IQUB: variants seen among roughly 807,000 people sequenced by gnomAD.
IQUB encodes the protein IQ motif and ubiquitin domain containing, also known as IQ motif and ubiquitin-like domain-containing protein.
In IQUB, 86 loss-of-function variants were observed where a neutral mutation model predicts 86.4. The ratio of observed to expected loss-of-function variants is 1.00; its 90% CI spans 0.84 to 1.19. The LOEUF (loss-of-function observed/expected upper bound fraction) is 1.19, where lower values mean the gene tolerates loss of function less well. Ranked by LOEUF, IQUB falls within the 50% of genes most tolerant of loss-of-function variation. IQUB has a pLI of 0.00. For missense variants in IQUB, 946 were observed against 916.9 expected, an observed-to-expected ratio of 1.03 and a Z score of -0.41; for synonymous variants, 289 against 304.5, an observed-to-expected ratio of 0.95 and a Z score of 0.53.
intron 8 of IQUB, among the ~76,000 whole-genome samples, chr7:123,479,344 G>T (rs973228937): frequency 6.6e-5 from 10 of 152,034 alleles, no homozygotes; most frequent in African/African-American, 2.4e-4. Flanking sequence ...GAAATTTGAA[G>T]TCAGTTAATG....
At chr7:123,502,541 A>T in intron 6 of IQUB, 56 bp downstream of exon 6, 1 of 1,489,308 alleles carries the variant, frequency 6.7e-7, no homozygotes, top group Non-Finnish European at 9.3e-7. Flanking sequence ...CACACTCGGA[A>T]CAACTGGCTT....
At chr7:123,495,525 T>A (rs140337154) in intron 7 of IQUB, among the ~76,000 whole-genome samples, 4 of 152,170 alleles carry the variant, frequency 2.6e-5, no homozygotes, top group Admixed American at 6.6e-5. Context: ...TTGCTTAGTG[T>A]TATAAATAAT....
In IQUB at chr7:123,511,937, G is replaced by T; in HGVS notation, c.397+7C>A. The T allele has an allele frequency of 6.3e-7, 1 of 1,584,210 alleles. No individual in the cohort carries two copies. Among genetic ancestry groups the T allele is most frequent in the Non-Finnish European group, 8.6e-7 (1 of 1,158,560 alleles). On this transcript the variant is annotated splice_region_variant and intron_variant, in intron 2 of 12. Transcript: ENST00000324698. ...AAATGAAATAGCCTATCTTCCTTAGGTAGTACCTGTTGCTAGAGAATCTTC... is the reference window on the plus strand; with the variant it reads ...AAATGAAATAGCCTATCTTCCTTAGTTAGTACCTGTTGCTAGAGAATCTTC...
intron 8 of IQUB, among the ~76,000 whole-genome samples, chr7:123,473,669 G>A (rs527617119): frequency 1.9e-4 from 29 of 151,968 alleles, no homozygotes; most frequent in Admixed American, 1.2e-3. Flanking sequence ...TCCACCTCCC[G>A]GGTTCAAGTG....
At chr7:123,462,205 C>T (rs773361406) in intron 10 of IQUB, among the ~76,000 whole-genome samples, 1 of 151,688 alleles carries the variant, frequency 6.6e-6, no homozygotes, top group Non-Finnish European at 1.5e-5. Context: ...CAAACTGAAT[C>T]AAGACATATA....
At chr7:123,470,379 T>C (rs1794465694) in intron 8 of IQUB, among the ~76,000 whole-genome samples, 1 of 152,178 alleles carries the variant, frequency 6.6e-6, no homozygotes. Flanking sequence ...ATGTTGGATG[T>C]TTTTGTAGGT....
chr7:123,508,418 C>G (rs1049130870), intron 3 of IQUB, among the ~76,000 whole-genome samples: 3 of 152,170 alleles, frequency 2.0e-5, no homozygotes, highest in Non-Finnish European at 2.9e-5. Flanking sequence ...ATACAGGGTC[C>G]CCAGAGCCCC....
chr7:123,490,246 G>A (rs1795397053), intron 7 of IQUB, among the ~76,000 whole-genome samples: 1 of 151,962 alleles, frequency 6.6e-6, no homozygotes, highest in South Asian at 2.1e-4. Context: ...AAATGGAAAG[G>A]ACATATCAAT....
Position 123,461,617 on chromosome 7 carries a change from G to T in IQUB, c.1759-12C>A. 1.3e-6 allele frequency: 2 copies of T among 1,539,312 alleles called. No individual in the cohort carries two copies. The highest frequency in any genetic ancestry group is 1.7e-6 in the Non-Finnish European group (2 of 1,144,848). ...GGGTCTTGAGGGACCTAAATAAATA[G>T]TAAAAAAAGAAAAAAAAGGTCTAAA... On this transcript the variant is annotated splice_polypyrimidine_tract_variant and intron_variant, in intron 10 of 12. Transcript: ENST00000324698.
Position 123,509,975 on chromosome 7 carries a change from A to C in IQUB, c.458T>G (p.Ile153Ser), listed in dbSNP as rs138841907. 1.7e-5 allele frequency: 28 copies of C among 1,602,040 alleles called. No homozygotes were observed. The African/African-American group carries it at 2.8e-4, about 16-fold the overall frequency. ...AAAATGGTCCTTAAGATATTTAAGAATGGTATCAACCTTAAAAGGTATTAC... is the reference window on the plus strand; with the variant it reads ...AAAATGGTCCTTAAGATATTTAAGACTGGTATCAACCTTAAAAGGTATTAC... ...EIVIPFKVDT[I>S]LKYLKDHFSH... Residue 153 changes from isoleucine to serine, a missense_variant, in exon 3 of 13, where the codon ATT becomes AGT. Physicochemically the swap from Ile to Ser is moderately radical, Grantham distance 142. Coordinates refer to ENST00000324698, the MANE Select transcript of IQUB (RefSeq NM_178827.5).
In IQUB at chr7:123,496,699, C is replaced by A; in HGVS notation, c.1231G>T (p.Glu411Ter). 1 of 1,581,640 alleles carries A rather than the reference C, an allele frequency of 6.3e-7. No individual in the cohort carries two copies. The highest frequency in any genetic ancestry group is 1.1e-5 in the South Asian group (1 of 87,546). ...GCAAAGCCTGTGTCCAACTTACATT[C>A]TAATGCATTATAAAGAAATTCAAAA... is the stretch of plus-strand genomic sequence containing the variant. ...EDFEFLYNAL[E>*]FWRQEELTRI... Residue 411 changes from glutamate (E) to a stop codon, truncating the protein, a stop_gained, in exon 7 of 13, where the codon GAA becomes TAA. Coordinates refer to ENST00000324698, the MANE Select transcript of IQUB (RefSeq NM_178827.5). LOFTEE classifies it high-confidence loss of function.
chr7:123,517,106 C>T (rs1422085585), intron 1 of IQUB, among the ~76,000 whole-genome samples: 1 of 152,146 alleles, frequency 6.6e-6, no homozygotes, highest in African/African-American at 2.4e-5. Flanking sequence ...TGCATCACAG[C>T]TAAGAAACCC....
At chr7:123,500,798 T>G (rs1168391172) in intron 6 of IQUB, among the ~76,000 whole-genome samples, 1 of 152,150 alleles carries the variant, frequency 6.6e-6, no homozygotes, top group Non-Finnish European at 1.5e-5. Flanking sequence ...CTAAGTCAAG[T>G]TAACACTTTT....
intron 1 of IQUB, among the ~76,000 whole-genome samples, chr7:123,529,571 A>G (rs1797420914): frequency 6.6e-6 from 1 of 151,258 alleles, no homozygotes; most frequent in Non-Finnish European, 1.5e-5. Context: ...GCAATTATAT[A>G]TAAACAATAA....
At chr7:123,508,285 G>A (rs901195975) in intron 3 of IQUB, among the ~76,000 whole-genome samples, 11 of 152,218 alleles carry the variant, frequency 7.2e-5, no homozygotes, top group African/African-American at 2.7e-4. Context: ...CAGCCCTGTA[G>A]ACACCTTGAA....
intron 3 of IQUB, among the ~76,000 whole-genome samples, chr7:123,504,692 G>C (rs574666165): frequency 6.6e-6 from 1 of 151,938 alleles, no homozygotes; most frequent in Non-Finnish European, 1.5e-5. Flanking sequence ...TGATCCATTC[G>C]CCTCCCACCA....
At position 123,464,719 on chromosome 7, in the gene IQUB, G is replaced by T. The variant is rs530323985; in HGVS notation, c.1758+114C>A. Reference sequence around the variant, plus strand: ...CAAAGGAGATACTACCAATAAGATGGTATTCCACATGGACTCCCAAGTAAA... The same window carrying T: ...CAAAGGAGATACTACCAATAAGATGTTATTCCACATGGACTCCCAAGTAAA... On this transcript the variant is annotated intron_variant, in intron 10 of 12. Coordinates refer to ENST00000324698, the MANE Select transcript of IQUB (RefSeq NM_178827.5). The T allele has an allele frequency of 5.1e-5, 28 of 548,756 alleles. No homozygotes were observed. The African/African-American group carries it at 5.1e-4, about 10-fold the overall frequency. The allele number at this position is 548,756 out of a possible 1,614,324, so 34.0% of individuals were successfully genotyped here.
At chr7:123,525,505 T>A (rs1209960762) in intron 1 of IQUB, among the ~76,000 whole-genome samples, 3 of 152,216 alleles carry the variant, frequency 2.0e-5, no homozygotes, top group Admixed American at 6.5e-5. Context: ...GTTTGTAGTA[T>A]TCTCTGATGG....
At chr7:123,493,711 C>A (rs1795576815) in intron 7 of IQUB, among the ~76,000 whole-genome samples, 1 of 141,930 alleles carries the variant, frequency 7.0e-6, no homozygotes, top group African/African-American at 2.6e-5. Context: ...AGGTTTACAC[C>A]CTGAGAGAAA....
Sources: gnomAD v4.1 joint callset for allele counts (sites outside exome capture counted in the v4.1 genomes callset) on GRCh38, gnomAD v4.1.1 for gene constraint, MANE v1.5 for transcripts, NCBI Gene and HGNC (gene_info 2026-07-23, HGNC 2026-07-21) for gene names.